Variants in PCCB observed in about 807,000 individuals in gnomAD.
PCCB encodes propionyl-CoA carboxylase subunit beta, also known as propionyl-CoA carboxylase beta chain, mitochondrial.
In PCCB, 43 loss-of-function variants were observed where a neutral mutation model predicts 60.7. That is an observed-to-expected ratio of 0.71 (90% CI 0.55 to 0.91). PCCB has a LOEUF of 0.91. Ranked by LOEUF, PCCB falls within the 40% of genes least tolerant of loss-of-function variation. The pLI is 0.00. For synonymous variants in PCCB, 276 were observed against 255.9 expected (o/e 1.08, Z -0.75); for missense variants, 766 against 702.8 (o/e 1.09, Z -1.02).
intron 10 of PCCB, 104 bp downstream of exon 10, chr3:136,317,168 T>G (rs1479908622): frequency 3.7e-6 from 4 of 1,069,262 alleles, no homozygotes; most frequent in Non-Finnish European, 4.2e-6. Context: ...GACATGGCCT[T>G]CCATGACCAG....
chr3:136,268,100 A>ATATATATATATATATATATATG (rs1160976387), intron 5 of PCCB, among the ~76,000 whole-genome samples: 3 of 63,614 alleles, frequency 4.7e-5, no homozygotes, highest in South Asian at 5.8e-4. Context: ...ATATATATAT[A>ATATATATATATATATATATATG]TATATATATA....
At position 136,306,943 on chromosome 3, in the gene PCCB, ACTGTT is replaced by A. The variant is rs1485596744; in HGVS notation, c.966+5834_966+5838del. On this transcript the variant is annotated intron_variant, in intron 9 of 14. Coordinates refer to ENST00000251654, the MANE Select transcript of PCCB (RefSeq NM_000532.5). ...AATTGTCAAACTAGAGAAAATATTA[ACTGTT>A]CGATTTTTAAAATAAGGAGAAATAC... Among the ~76,000 whole-genome samples, 5 of 122,818 alleles carry A rather than the reference ACTGTT, an allele frequency of 4.1e-5. 1 individual carries two copies. Among genetic ancestry groups the A allele is most frequent in the Non-Finnish European group, 9.1e-5 (5 of 55,114 alleles). 80.6% of individuals were successfully genotyped at this position (122,818 alleles called of 152,430 possible). A position where few individuals can be genotyped will look rare whatever the true frequency, so the allele number is the denominator to read the frequency against.
At chr3:136,328,339 C>T (rs547696253) in intron 13 of PCCB, among the ~76,000 whole-genome samples, 2 of 152,190 alleles carry the variant, frequency 1.3e-5, no homozygotes, top group African/African-American at 4.8e-5. Flanking sequence ...CTCTGGCCAC[C>T]GAATTGTATA....
chr3:136,280,966 A>G (rs934578991), intron 5 of PCCB, among the ~76,000 whole-genome samples: 4 of 152,208 alleles, frequency 2.6e-5, no homozygotes, highest in African/African-American at 7.2e-5. Context: ...TCAGTACTTT[A>G]AATATGTCCC....
intron 10 of PCCB, among the ~76,000 whole-genome samples, chr3:136,321,729 G>A (rs535053905): frequency 5.1e-4 from 78 of 152,222 alleles, no homozygotes; most frequent in Non-Finnish European, 3.4e-4. Context: ...AGATTTGGGC[G>A]GGCACACAGA....
chr3:136,301,940 C>T (rs999727969), intron 9 of PCCB, among the ~76,000 whole-genome samples: 2 of 152,118 alleles, frequency 1.3e-5, no homozygotes, highest in African/African-American at 4.8e-5. Context: ...TTGTTAACGT[C>T]TGGCTCCCAA....
intron 1 of PCCB, 44 bp downstream of exon 1, chr3:136,250,602 C>A: frequency 6.4e-7 from 1 of 1,563,146 alleles, no homozygotes; most frequent in East Asian, 2.3e-5. Context: ...CTGGCGTCCG[C>A]GACCTATCAC....
intron 5 of PCCB, among the ~76,000 whole-genome samples, chr3:136,272,892 C>T (rs1229810886): frequency 6.6e-6 from 1 of 152,028 alleles, no homozygotes; most frequent in Non-Finnish European, 1.5e-5. Context: ...TTCTCTGGTT[C>T]ATTGAGGTGA....
intron 8 of PCCB, among the ~76,000 whole-genome samples, chr3:136,299,482 A>G (rs1013611081): frequency 1.3e-5 from 2 of 148,884 alleles, no homozygotes; most frequent in African/African-American, 5.1e-5. Flanking sequence ...ATGCATGTGT[A>G]TGTATGTATA....
chr3:136,264,655 C>T (rs866782), intron 5 of PCCB, among the ~76,000 whole-genome samples: 24,500 of 150,900 alleles, frequency 0.16, 2,139 homozygotes, highest in Middle Eastern at 0.22. Flanking sequence ...AGGTGGATCA[C>T]GAGGTCAGGA....
At position 136,260,616 on chromosome 3, in the gene PCCB, A is replaced by T. The variant is rs1296618791; in HGVS notation, c.429+81A>T. ...ATTGAGTATCTTTGGGGTACAAGAC[A>T]CTGAGCTAGGTACTTGGGGTAGGGC... On this transcript the variant is annotated intron_variant, in intron 4 of 14. Coordinates refer to ENST00000251654, the MANE Select transcript of PCCB (RefSeq NM_000532.5). 9.2e-6 allele frequency: 11 copies of T among 1,197,824 alleles called. No individual in the cohort carries two copies. In the East Asian group the frequency reaches 2.6e-4, roughly 29 times the overall value. 74.2% of individuals were successfully genotyped at this position (1,197,824 alleles called of 1,614,324 possible). A position where few individuals can be genotyped will look rare whatever the true frequency, so the allele number is the denominator to read the frequency against.
chr3:136,276,581 G>C (rs753753819), intron 5 of PCCB, among the ~76,000 whole-genome samples: 5 of 152,136 alleles, frequency 3.3e-5, no homozygotes, highest in Admixed American at 6.5e-5. Context: ...GGGCCAGGGC[G>C]GGGGTGGGGG....
intron 11 of PCCB, 63 bp downstream of exon 11, chr3:136,326,973 T>G: frequency 8.3e-7 from 1 of 1,208,644 alleles, no homozygotes; most frequent in South Asian, 1.2e-5. Context: ...CCCACTTTAT[T>G]TGGAGATCTT....
chr3:136,265,138 A>G (rs1009574240), intron 5 of PCCB, among the ~76,000 whole-genome samples: 1 of 152,230 alleles, frequency 6.6e-6, no homozygotes, highest in Non-Finnish European at 1.5e-5. Context: ...GGTTGCAGTG[A>G]ACTGAGATCA....
chr3:136,299,958 ACATGTATG>A (rs1241189660), intron 8 of PCCB, among the ~76,000 whole-genome samples: 8 of 152,080 alleles, frequency 5.3e-5, no homozygotes, highest in African/African-American at 1.9e-4. Flanking sequence ...ATACATATAT[ACATGTATG>A]CATGTATACA....
rs138992570 is a variant in PCCB, at chr3:136,289,138, A to T, written c.655-4618A>T. 1.8e-3 allele frequency among the ~76,000 whole-genome samples: 277 copies of T among 152,266 alleles called. 1 individual carries two copies. The highest frequency in any genetic ancestry group is 5.7e-3 in the African/African-American group (235 of 41,558). On this transcript the variant is annotated intron_variant, in intron 6 of 14. Transcript: ENST00000251654. ...CCCTTGAGTTGCTGGGATTATAGGC[A>T]TGAGACACTGTGCCCAGCTGATTGG...
At chr3:136,253,015 G>A (rs141483983) in intron 1 of PCCB, among the ~76,000 whole-genome samples, 5 of 150,148 alleles carry the variant, frequency 3.3e-5, no homozygotes, top group African/African-American at 7.4e-5. Context: ...TTTCGGGGAG[G>A]GGGGGATAGG....
chr3:136,328,525 C>G (rs1935416255), intron 13 of PCCB, among the ~76,000 whole-genome samples: 1 of 152,222 alleles, frequency 6.6e-6, no homozygotes, highest in Admixed American at 6.5e-5. Flanking sequence ...TTTTGCCTGA[C>G]TGCCCCTTAT....
intron 10 of PCCB, chr3:136,326,236 G>A (rs1007720332): frequency 9.0e-6 from 6 of 669,306 alleles, no homozygotes; most frequent in Non-Finnish European, 1.6e-5. Context: ...TGGTATTGGG[G>A]TAATACTGGT....
Sources: allele counts gnomAD v4.1 joint callset (sites outside exome capture counted in the v4.1 genomes callset), GRCh38; gene constraint gnomAD v4.1.1; transcripts MANE v1.5; gene names NCBI Gene and HGNC (gene_info 2026-07-23, HGNC 2026-07-21).